CDYL2: variants seen among roughly 807,000 people sequenced by gnomAD.
CDYL2 encodes the protein chromodomain Y-like protein 2.
Under a neutral mutation model 49.4 loss-of-function variants are expected in CDYL2, and 23 were observed. That is an observed-to-expected ratio of 0.47 (90% confidence interval 0.34 to 0.66). The LOEUF is 0.66. CDYL2 is among the 30% of genes least tolerant of loss of function. CDYL2 has a pLI of 0.01. For missense variants in CDYL2, 678 were observed against 656.4 expected (o/e 1.03, Z -0.36); for synonymous variants, 360 against 268.8 (o/e 1.34, Z -3.32).
rs781782571 is a variant in CDYL2 at position 80,604,552 on chromosome 16, G to C, written c.1363-6C>G. 28 of 1,614,072 alleles carry C rather than the reference G, an allele frequency of 1.7e-5. No individual in the cohort carries two copies. In the Admixed American group the frequency reaches 3.2e-4, roughly 18 times the overall value. ...CATTTGGACTCCTCTAACACCTAGA[G>C]GGAAATAGACAGGCCTGATTAGCCG... On this transcript the variant is annotated splice_region_variant and splice_polypyrimidine_tract_variant and intron_variant, in intron 6 of 6. Coordinates refer to ENST00000570137, the MANE Select transcript of CDYL2 (RefSeq NM_152342.4).
At chr16:80,604,611 T>C in intron 6 of CDYL2, 65 bp from the exon 7 acceptor site, 1 of 1,574,318 alleles carries the variant, frequency 6.4e-7, no homozygotes, top group East Asian at 2.2e-5. Context: ...ACTAGGTACC[T>C]GGCCCATGGG....
intron 1 of CDYL2, among the ~76,000 whole-genome samples, chr16:80,778,206 T>C (rs964657193): frequency 2.6e-5 from 4 of 152,026 alleles, no homozygotes; most frequent in African/African-American, 9.7e-5. Flanking sequence ...ACTTCTTTAA[T>C]TCATGGTGAA....
At chr16:80,638,070 A>C (rs1907919210) in intron 2 of CDYL2, among the ~76,000 whole-genome samples, 1 of 150,756 alleles carries the variant, frequency 6.6e-6, no homozygotes, top group Admixed American at 6.6e-5. Context: ...AATGAATTGA[A>C]AGACTCCATT....
At chr16:80,709,893 C>G (rs1299879154) in intron 1 of CDYL2, among the ~76,000 whole-genome samples, 1 of 151,762 alleles carries the variant, frequency 6.6e-6, no homozygotes, top group Non-Finnish European at 1.5e-5. Flanking sequence ...TCCGTAAGCC[C>G]TATTTTTTAA....
chr16:80,647,969 G>T (rs1908422987), intron 2 of CDYL2, among the ~76,000 whole-genome samples: 1 of 152,024 alleles, frequency 6.6e-6, no homozygotes, highest in African/African-American at 2.4e-5. Flanking sequence ...ACAAATGATA[G>T]TGGAAACAAA....
In CDYL2 at chr16:80,638,095, G is replaced by C. The variant is rs1040883673; in HGVS notation, c.617-4859C>G. On this transcript the variant is annotated intron_variant, in intron 2 of 6. Coordinates refer to ENST00000570137, the MANE Select transcript of CDYL2 (RefSeq NM_152342.4). ...AAGACTCCATTTTTTTTTTTCTTGAGACAAGGTCTTGCTGTGTCACCCAGG... is the reference window on the plus strand; with the variant it reads ...AAGACTCCATTTTTTTTTTTCTTGACACAAGGTCTTGCTGTGTCACCCAGG... 2.7e-4 allele frequency among the ~76,000 whole-genome samples: 41 copies of C among 150,836 alleles called. 1 individual carries two copies. The highest frequency in any genetic ancestry group is 2.0e-4 in the Admixed American group (3 of 15,182).
rs564634701 is a variant in CDYL2, at chr16:80,671,228, C to T, written c.616+13310G>A. On this transcript the variant is annotated intron_variant, in intron 2 of 6. Coordinates refer to ENST00000570137, the MANE Select transcript of CDYL2 (RefSeq NM_152342.4). ...CCCTTAATGGAGAATGTCTATCAGC[C>T]GAGCTGCCCAGTGGGTTTAAAGAGG... Among the ~76,000 whole-genome samples the T allele has an allele frequency of 2.0e-5, 3 of 152,270 alleles. No homozygotes were observed. The South Asian group carries it at 6.2e-4, about 32-fold the overall frequency.
Position 80,684,643 on chromosome 16 carries a change from C to A in CDYL2, c.511G>T (p.Gly171Ter), listed in dbSNP as rs765324115. Residue 171 changes from glycine to a stop codon, truncating the protein, a stop_gained, in exon 2 of 7, where the codon GGA becomes TGA. Coordinates refer to ENST00000570137, the MANE Select transcript of CDYL2 (RefSeq NM_152342.4). LOFTEE classifies it high-confidence loss of function. ...AGSEKDERHF[G>*]NGSHQPGLDL... ...AAGCCAGGCTGATGGGACCCATTTC[C>A]AAAGTGCCTCTCATCCTTCTCAGAG... 3 of 1,614,196 alleles carry A rather than the reference C, an allele frequency of 1.9e-6. 1 individual carries two copies. Among genetic ancestry groups the A allele is most frequent in the South Asian group, 2.2e-5 (2 of 91,072 alleles).
rs570406284 is a variant in CDYL2 at position 80,678,020 on chromosome 16, C to T, written c.616+6518G>A. 3.1e-3 allele frequency among the ~76,000 whole-genome samples: 464 copies of T among 151,908 alleles called. 4 individuals carry two copies. The highest frequency in any genetic ancestry group is 6.8e-3 in the Middle Eastern group (2 of 294). ...AAACAAGAAATGGGGAAAGGATTCC[C>T]TATTTAATAAATGGTGCTGGGAAAA... On this transcript the variant is annotated intron_variant, in intron 2 of 6. Transcript: ENST00000570137.
intron 1 of CDYL2, among the ~76,000 whole-genome samples, chr16:80,779,425 G>C (rs879815458): frequency 6.6e-6 from 1 of 151,930 alleles, no homozygotes; most frequent in Non-Finnish European, 1.5e-5. Context: ...ATCCTTCCTG[G>C]ATGGCAAGCA....
intron 4 of CDYL2, among the ~76,000 whole-genome samples, chr16:80,620,510 G>C (rs1907031334): frequency 6.6e-6 from 1 of 152,198 alleles, no homozygotes; most frequent in Non-Finnish European, 1.5e-5. Flanking sequence ...CTAACCTAGA[G>C]GGCAAAGCAT....
At chr16:80,626,333 A>C (rs898664523) in intron 3 of CDYL2, among the ~76,000 whole-genome samples, 13 of 151,952 alleles carry the variant, frequency 8.6e-5, no homozygotes, top group Non-Finnish European at 1.5e-4. Flanking sequence ...ATAAAAAAAA[A>C]CTGACTATAA....
chr16:80,691,950 A>G (rs1910433115), intron 1 of CDYL2, among the ~76,000 whole-genome samples: 1 of 152,192 alleles, frequency 6.6e-6, no homozygotes. Flanking sequence ...CATGCGGGAA[A>G]TCACACCAGC....
intron 1 of CDYL2, among the ~76,000 whole-genome samples, chr16:80,763,171 G>A (rs1597121351): frequency 1.2e-5 from 1 of 83,358 alleles, no homozygotes; most frequent in East Asian, 3.4e-4. Flanking sequence ...ATTCCCACCA[G>A]AAGCAACGAT....
At chr16:80,658,422 T>A (rs367634571) in intron 2 of CDYL2, among the ~76,000 whole-genome samples, 8 of 152,204 alleles carry the variant, frequency 5.3e-5, no homozygotes, top group Admixed American at 5.2e-4. Flanking sequence ...TATAATATTA[T>A]GAATATACAA....
chr16:80,792,632 G>A (rs2580311), intron 1 of CDYL2, among the ~76,000 whole-genome samples: 3,302 of 152,220 alleles, frequency 0.022, 109 homozygotes, highest in African/African-American at 0.076. Context: ...CCAGAGTACA[G>A]AGACTCACCT....
intron 2 of CDYL2, among the ~76,000 whole-genome samples, chr16:80,656,613 T>A (rs570210057): frequency 6.6e-6 from 1 of 152,294 alleles, no homozygotes; most frequent in East Asian, 1.9e-4. Context: ...TTCCCTCCTT[T>A]AGCGTACAAA....
At chr16:80,682,019 T>C (rs2142470393) in intron 2 of CDYL2, among the ~76,000 whole-genome samples, 1 of 152,254 alleles carries the variant, frequency 6.6e-6, no homozygotes, top group South Asian at 2.1e-4. Flanking sequence ...CAAAATGCGG[T>C]AGAGTCACCC....
At chr16:80,742,971 T>C (rs1054529493) in intron 1 of CDYL2, among the ~76,000 whole-genome samples, 2 of 124,368 alleles carry the variant, frequency 1.6e-5, no homozygotes, top group African/African-American at 6.2e-5. Flanking sequence ...AATGGGTGGA[T>C]GAATCGATAG....
Sources: allele counts gnomAD v4.1 joint callset (sites outside exome capture counted in the v4.1 genomes callset), GRCh38; gene constraint gnomAD v4.1.1; transcripts MANE v1.5; gene names NCBI Gene and HGNC (gene_info 2026-07-23, HGNC 2026-07-21).